RSU1: variants seen among roughly 807,000 people sequenced by gnomAD.
RSU1 encodes the protein rsu-1.
Under a neutral mutation model 31.1 loss-of-function variants are expected in RSU1, and 26 were observed. That is an observed-to-expected ratio of 0.84 (90% CI 0.61 to 1.16). The LOEUF (loss-of-function observed/expected upper bound fraction) is 1.16, where lower values mean the gene tolerates loss of function less well. RSU1 is among the 50% of genes most tolerant of loss of function. The probability of loss-of-function intolerance (pLI) is 0.00; values close to 1 mark genes in which losing one functional copy is unlikely to be tolerated. For missense variants in RSU1, 320 were observed against 339.1 expected, an observed-to-expected ratio of 0.94 and a Z score of 0.44; for synonymous variants, 164 against 136.3, an observed-to-expected ratio of 1.20 and a Z score of -1.41.
intron 7 of RSU1, among the ~76,000 whole-genome samples, chr10:16,739,984 T>C (rs1836719314): frequency 6.6e-6 from 1 of 152,004 alleles, no homozygotes. Context: ...GAGCCTTATA[T>C]CAAAAAACTC....
intron 7 of RSU1, among the ~76,000 whole-genome samples, chr10:16,726,027 A>G (rs1191102108): frequency 2.6e-5 from 4 of 151,704 alleles, no homozygotes; most frequent in African/African-American, 4.9e-5. Flanking sequence ...GCACGTATAT[A>G]TGTGTATATA....
intron 2 of RSU1, among the ~76,000 whole-genome samples, chr10:16,807,673 TCCAAGCTGGCAGGGCTAGC>T (rs1265649791): frequency 2.6e-5 from 4 of 152,322 alleles, no homozygotes; most frequent in Admixed American, 6.5e-5. Context: ...AACCCAAGTT[TCCAAGCTGGCAGGGCTAGC>T]CCAATAACAC....
intron 8 of RSU1, among the ~76,000 whole-genome samples, chr10:16,654,441 G>A (rs1834738112): frequency 6.6e-6 from 1 of 151,248 alleles, no homozygotes; most frequent in Admixed American, 6.6e-5. Flanking sequence ...AGGCTGAGGT[G>A]GGTGGATCAC....
chr10:16,674,310 G>A (rs1207590136), intron 8 of RSU1, among the ~76,000 whole-genome samples: 1 of 152,004 alleles, frequency 6.6e-6, no homozygotes, highest in Admixed American at 6.6e-5. Flanking sequence ...TTATGGTGAT[G>A]GAAGTGGCAG....
intron 3 of RSU1, among the ~76,000 whole-genome samples, chr10:16,776,623 G>C (rs1477696408): frequency 2.6e-5 from 4 of 151,950 alleles, no homozygotes; most frequent in African/African-American, 9.7e-5. Flanking sequence ...AATACCTCAG[G>C]AAAAGGTTTT....
intron 8 of RSU1, among the ~76,000 whole-genome samples, chr10:16,614,003 T>C (rs1385267110): frequency 1.3e-5 from 2 of 152,040 alleles, no homozygotes; most frequent in Admixed American, 1.3e-4. Context: ...CTCGCAGGGA[T>C]TGTGGGCAAT....
chr10:16,795,070 C>T (rs1290084459), intron 2 of RSU1, among the ~76,000 whole-genome samples: 1 of 152,156 alleles, frequency 6.6e-6, no homozygotes, highest in South Asian at 2.1e-4. Flanking sequence ...AATGTTAGAA[C>T]AGTCCCGGCG....
intron 3 of RSU1, among the ~76,000 whole-genome samples, chr10:16,781,040 T>C (rs922474827): frequency 2.6e-5 from 4 of 152,220 alleles, no homozygotes; most frequent in South Asian, 2.1e-4. Flanking sequence ...CTGTATATAA[T>C]GCACATACAC....
chr10:16,764,662 G>A (rs1280785972), intron 3 of RSU1, 152 bp from the exon 4 acceptor site: 5 of 808,408 alleles, frequency 6.2e-6, no homozygotes, highest in Non-Finnish European at 9.4e-6. Flanking sequence ...ATTTTTTACA[G>A]GTTTTTCATA....
At chr10:16,795,438 A>T (rs552373278) in intron 2 of RSU1, among the ~76,000 whole-genome samples, 1 of 152,242 alleles carries the variant, frequency 6.6e-6, no homozygotes, top group Non-Finnish European at 1.5e-5. Flanking sequence ...TTAAAACATG[A>T]CTGGCACAGT....
intron 4 of RSU1, among the ~76,000 whole-genome samples, chr10:16,756,675 G>C (rs1237420894): frequency 1.3e-5 from 2 of 152,188 alleles, no homozygotes; most frequent in African/African-American, 4.8e-5. Flanking sequence ...TTTTGGTAAG[G>C]CTTCCAGCCA....
intron 2 of RSU1, among the ~76,000 whole-genome samples, chr10:16,813,345 A>T (rs12359531): frequency 0.026 from 3,967 of 152,324 alleles, 60 homozygotes; most frequent in Non-Finnish European, 0.038. Flanking sequence ...TAAGCCACAC[A>T]AAAAATTCCA....
At chr10:16,778,665 G>A (rs1837589966) in intron 3 of RSU1, among the ~76,000 whole-genome samples, 1 of 152,196 alleles carries the variant, frequency 6.6e-6, no homozygotes, top group Admixed American at 6.5e-5. Context: ...GGCCCCCAGG[G>A]GAGGATGGGG....
At chr10:16,722,011 T>G (rs903048105) in intron 7 of RSU1, among the ~76,000 whole-genome samples, 6 of 152,218 alleles carry the variant, frequency 3.9e-5, no homozygotes, top group African/African-American at 1.4e-4. Context: ...AGTAGTTCTC[T>G]CTTATCCGTG....
At chr10:16,699,378 G>T (rs949207529) in intron 7 of RSU1, among the ~76,000 whole-genome samples, 12 of 152,194 alleles carry the variant, frequency 7.9e-5, no homozygotes, top group Admixed American at 5.9e-4. Context: ...AATATAATTA[G>T]AGTAAAGCTG....
chr10:16,714,639 C>A (rs965404082), intron 7 of RSU1, among the ~76,000 whole-genome samples: 3 of 152,048 alleles, frequency 2.0e-5, no homozygotes, highest in Non-Finnish European at 2.9e-5. Flanking sequence ...TGGGTTTGAA[C>A]ACTGGGGTCT....
chr10:16,594,424 T>C (rs935524274), intron 8 of RSU1, among the ~76,000 whole-genome samples: 13 of 151,328 alleles, frequency 8.6e-5, no homozygotes, highest in African/African-American at 2.7e-4. Context: ...TTTTTTTTTT[T>C]CCTGAGTGTC....
At chr10:16,762,670 G>A (rs931461431) in intron 4 of RSU1, among the ~76,000 whole-genome samples, 12 of 152,128 alleles carry the variant, frequency 7.9e-5, no homozygotes, top group African/African-American at 2.9e-4. Context: ...CAAATTCCTT[G>A]TGGGAGCAAT....
In RSU1 at chr10:16,695,089, A is replaced by G; in HGVS notation, c.665T>C (p.Ile222Thr). 6.3e-7 allele frequency: 1 copy of G among 1,599,400 alleles called. No homozygotes were observed. Among genetic ancestry groups the G allele is most frequent in the Non-Finnish European group, 8.5e-7 (1 of 1,172,324 alleles). Residue 222 changes from isoleucine (I) to threonine (T), a missense_variant, in exon 8 of 9, where the codon ATT becomes ACT. Ile to Thr is a moderately conservative substitution (Grantham distance 89). Coordinates refer to ENST00000345264, the MANE Select transcript of RSU1 (RefSeq NM_012425.4). ...CACGCCAAGCTGGAACTGGTCTGCA[A>G]TGGGGGTCACCCAGGGATTGTTCTC... is the stretch of plus-strand genomic sequence containing the variant. ...KAENNPWVTP[I>T]ADQFQLGVSH...
Sources: gnomAD v4.1 joint callset for allele counts (sites outside exome capture counted in the v4.1 genomes callset) on GRCh38, gnomAD v4.1.1 for gene constraint, MANE v1.5 for transcripts, NCBI Gene and HGNC (gene_info 2026-07-23, HGNC 2026-07-21) for gene names.